Variants in CD244 observed in about 807,000 individuals in gnomAD.
CD244 encodes the protein natural killer cell receptor 2B4.
In CD244, 20 loss-of-function variants were observed where a neutral mutation model predicts 45.5. That is an observed-to-expected ratio of 0.44 (90% CI 0.31 to 0.64). The LOEUF (loss-of-function observed/expected upper bound fraction) is 0.64. Among genes scored for constraint, CD244 ranks in the 30% least tolerant of loss-of-function variants. The pLI, the probability that CD244 is intolerant of heterozygous loss-of-function variation, is 0.08. For missense variants in CD244, 407 were observed against 426.9 expected, an observed-to-expected ratio of 0.95 and a Z score of 0.41; for synonymous variants, 185 against 160.5, an observed-to-expected ratio of 1.15 and a Z score of -1.15.
intron 7 of CD244, 113 bp from the exon 8 acceptor site, chr1:160,832,688 T>C: frequency 6.5e-7 from 1 of 1,549,840 alleles, no homozygotes; most frequent in Non-Finnish European, 8.7e-7. Flanking sequence ...TCTGAGGCAC[T>C]CTCAGCCAGA....
In CD244 at chr1:160,841,327, G is replaced by A. The variant is rs769607978; in HGVS notation, c.538C>T (p.Leu180=). The A allele has an allele frequency of 5.6e-6, 9 of 1,614,058 alleles. No homozygotes were observed. The African/African-American group carries it at 1.1e-4, about 19-fold the overall frequency. The change falls in exon 3 of 9, where the codon CTG becomes TTG. Residue 180 remains leucine (L), a synonymous_variant. Transcript: ENST00000368034. ...CCATTAATGTCAACCTCCTCGTCCA[G>A]GTAGGTGAGGTTCCCTGCTGTCTGG... ...LIQTAGNLTY[L]DEEVDINGTH...
chr1:160,855,963 A>G (rs771457787), intron 1 of CD244, among the ~76,000 whole-genome samples: 3 of 152,230 alleles, frequency 2.0e-5, no homozygotes, highest in Non-Finnish European at 2.9e-5. Context: ...TGGACCTGCC[A>G]GTCGGAGGAA....
intron 5 of CD244, among the ~76,000 whole-genome samples, chr1:160,837,150 T>C (rs568620754): frequency 4.6e-5 from 7 of 152,088 alleles, no homozygotes; most frequent in Admixed American, 1.3e-4. Flanking sequence ...CCTGAGACAA[T>C]AGGGAGAGGC....
intron 1 of CD244, among the ~76,000 whole-genome samples, chr1:160,853,941 G>A (rs1670013144): frequency 6.6e-6 from 1 of 152,186 alleles, no homozygotes; most frequent in African/African-American, 2.4e-5. Context: ...AGGAGTGGCT[G>A]CCCAGAGGCG....
intron 3 of CD244, among the ~76,000 whole-genome samples, chr1:160,840,914 A>G (rs575961301): frequency 6.6e-6 from 1 of 152,324 alleles, no homozygotes; most frequent in Non-Finnish European, 1.5e-5. Context: ...GGAAGAAAAT[A>G]ATGTTCAGGA....
intron 1 of CD244, among the ~76,000 whole-genome samples, chr1:160,861,315 T>A (rs1427461844): frequency 6.6e-6 from 1 of 152,216 alleles, no homozygotes; most frequent in Non-Finnish European, 1.5e-5. Flanking sequence ...TGAGTCCACC[T>A]GAGCCTTGAC....
At position 160,830,437 on chromosome 1, in the gene CD244, A is replaced by C. The variant is rs185116894; in HGVS notation, c.*910T>G. On this transcript the variant is annotated 3_prime_UTR_variant, in exon 9 of 9. Transcript: ENST00000368034. The stretch of plus-strand genomic sequence containing the variant: ...AACCCAGCATAGTGTCTAGATTCCA[A>C]CTGCCTCATTCTCAGCCCTCAGCTG... 26 of 152,516 alleles carry C rather than the reference A, an allele frequency of 1.7e-4. No individual in the cohort carries two copies. The highest frequency in any genetic ancestry group is 5.8e-4 in the African/African-American group (24 of 41,556). 9.4% of individuals were successfully genotyped at this position (152,516 alleles called of 1,614,324 possible). A position where few individuals can be genotyped will look rare whatever the true frequency, so the allele number is the denominator to read the frequency against.
At chr1:160,856,648 CA>C (rs1457407584) in intron 1 of CD244, among the ~76,000 whole-genome samples, 3 of 152,150 alleles carry the variant, frequency 2.0e-5, no homozygotes, top group South Asian at 2.1e-4. Flanking sequence ...TGTAATTATA[CA>C]TACCCATTTT....
At chr1:160,847,647 G>A (rs1457496950) in intron 1 of CD244, among the ~76,000 whole-genome samples, 2 of 152,132 alleles carry the variant, frequency 1.3e-5, no homozygotes, top group Non-Finnish European at 2.9e-5. Flanking sequence ...AATATTTAGA[G>A]CAAAGTGATA....
At chr1:160,859,486 G>A (rs1331015178) in intron 1 of CD244, among the ~76,000 whole-genome samples, 2 of 152,160 alleles carry the variant, frequency 1.3e-5, no homozygotes, top group Non-Finnish European at 2.9e-5. Context: ...GTCATCATAT[G>A]ACTCCTGATG....
chr1:160,860,787 G>A (rs184186395), intron 1 of CD244, among the ~76,000 whole-genome samples: 33 of 152,300 alleles, frequency 2.2e-4, no homozygotes, highest in Non-Finnish European at 3.8e-4. Context: ...CAGCTTCCCT[G>A]GAACTTCACA....
At chr1:160,833,899 A>C in intron 7 of CD244, 152 bp downstream of exon 7, 1 of 595,746 alleles carries the variant, frequency 1.7e-6, no homozygotes. Flanking sequence ...TGGCCCATTG[A>C]CATTTAAATA....
intron 3 of CD244, among the ~76,000 whole-genome samples, chr1:160,839,705 G>A (rs574169473): frequency 2.0e-5 from 3 of 152,318 alleles, no homozygotes; most frequent in South Asian, 4.1e-4. Flanking sequence ...TTAAACATTC[G>A]TGGATCTTGG....
In CD244 at chr1:160,835,606, G is replaced by A. The variant is rs563262615; in HGVS notation, c.894+589C>T. Among the ~76,000 whole-genome samples, 34 of 152,070 alleles carry A rather than the reference G, an allele frequency of 2.2e-4. No individual in the cohort carries two copies. The South Asian group carries it at 6.4e-3, about 29-fold the overall frequency. On this transcript the variant is annotated intron_variant, in intron 6 of 8. Coordinates refer to ENST00000368034, the MANE Select transcript of CD244 (RefSeq NM_016382.4). ...AGCCTGGTAGACAGAATGAGATCCTGTCTCATAACGGGTATACCAAAAATC... is the reference window on the plus strand; with the variant it reads ...AGCCTGGTAGACAGAATGAGATCCTATCTCATAACGGGTATACCAAAAATC...
At position 160,831,316 on chromosome 1, in the gene CD244, T is replaced by C. The variant is rs749596554; in HGVS notation, c.*31A>G. 2 of 1,555,596 alleles carry C rather than the reference T, an allele frequency of 1.3e-6. No homozygotes were observed. The highest frequency in any genetic ancestry group is 1.7e-5 in the Admixed American group (1 of 59,902). ...TGCCAATTCCCAAAGCAGATGCTGA[T>C]GTGCAAGAAAGGTGAGAATTGCTGC... On this transcript the variant is annotated 3_prime_UTR_variant, in exon 9 of 9. Coordinates refer to ENST00000368034, the MANE Select transcript of CD244 (RefSeq NM_016382.4).
intron 1 of CD244, among the ~76,000 whole-genome samples, chr1:160,855,496 C>T (rs910053378): frequency 6.6e-6 from 1 of 152,148 alleles, no homozygotes; most frequent in Non-Finnish European, 1.5e-5. Context: ...TCACTATGTC[C>T]AGGGTATTGT....
chr1:160,845,164 C>T (rs1455860522), intron 1 of CD244, among the ~76,000 whole-genome samples: 1 of 151,876 alleles, frequency 6.6e-6, no homozygotes, highest in Non-Finnish European at 1.5e-5. Flanking sequence ...TGGAGTAGGT[C>T]ATTATGCAGC....
intron 1 of CD244, among the ~76,000 whole-genome samples, chr1:160,850,619 G>A (rs896998755): frequency 1.3e-5 from 2 of 152,198 alleles, no homozygotes; most frequent in African/African-American, 4.8e-5. Context: ...TGCAAGGATT[G>A]AAAAGTAGTC....
At position 160,841,348 on chromosome 1, in the gene CD244, T is replaced by C; in HGVS notation, c.517A>G (p.Thr173Ala). ...TCCAGGTAGGTGAGGTTCCCTGCTGTCTGGATCAGCTTGCTCCCTCTGTAC... is the reference window on the plus strand; with the variant it reads ...TCCAGGTAGGTGAGGTTCCCTGCTGCCTGGATCAGCTTGCTCCCTCTGTAC... Reference protein sequence around the residue: ...AWYRGSKLIQTAGNLTYLDEE... With the variant: ...AWYRGSKLIQAAGNLTYLDEE... Residue 173 changes from threonine to alanine, a missense_variant, in exon 3 of 9, where the codon ACA becomes GCA. Coordinates refer to ENST00000368034, the MANE Select transcript of CD244 (RefSeq NM_016382.4). 1 of 1,614,206 alleles carries C rather than the reference T, an allele frequency of 6.2e-7. No homozygotes were observed. The highest frequency in any genetic ancestry group is 8.5e-7 in the Non-Finnish European group (1 of 1,180,032).
Sources: allele counts gnomAD v4.1 joint callset (sites outside exome capture counted in the v4.1 genomes callset), GRCh38; gene constraint gnomAD v4.1.1; transcripts MANE v1.5; gene names NCBI Gene and HGNC (gene_info 2026-07-23, HGNC 2026-07-21).